The following USP34 variants were observed in gnomAD, a reference collection of about 807,000 sequenced individuals.
USP34 encodes the protein ubiquitin specific peptidase 34, also known as ubiquitin carboxyl-terminal hydrolase 34.
A neutral mutation model predicts 460.3 loss-of-function variants in USP34; 70 were observed. The ratio of observed to expected loss-of-function variants is 0.15; its 90% confidence interval spans 0.13 to 0.19. USP34 has a LOEUF of 0.19. USP34 is among the 10% of genes least tolerant of loss of function. The pLI is 1.00. For synonymous variants in USP34, 1,647 were observed against 1,405.3 expected (o/e 1.17, Z -3.85); for missense variants, 3,985 against 4,236.2 (o/e 0.94, Z 1.65).
chr2:61,243,705 C>T (rs1572865720), intron 51 of USP34, among the ~76,000 whole-genome samples: 2 of 151,680 alleles, frequency 1.3e-5, no homozygotes, highest in East Asian at 3.9e-4. Flanking sequence ...ACCCCGTCTC[C>T]ACTTAAAACA....
intron 10 of USP34, among the ~76,000 whole-genome samples, chr2:61,364,339 C>T (rs556157727): frequency 4.2e-4 from 64 of 152,234 alleles, no homozygotes; most frequent in Non-Finnish European, 6.5e-4. Context: ...GCATCCAGCC[C>T]AAGTGATACA....
At chr2:61,215,315 C>G (rs1687365906) in intron 67 of USP34, among the ~76,000 whole-genome samples, 1 of 151,536 alleles carries the variant, frequency 6.6e-6, no homozygotes, top group African/African-American at 2.4e-5. Flanking sequence ...TAAATTGTAA[C>G]CAGATAATAT....
chr2:61,377,348 T>C (rs1449796529), intron 8 of USP34, among the ~76,000 whole-genome samples: 1 of 152,122 alleles, frequency 6.6e-6, no homozygotes, highest in Non-Finnish European at 1.5e-5. Flanking sequence ...CAGAAAATAT[T>C]CTATCCTACT....
intron 75 of USP34, chr2:61,194,267 C>G: frequency 1.0e-6 from 1 of 985,422 alleles, no homozygotes; most frequent in Non-Finnish European, 1.2e-6. Flanking sequence ...TCCCCTTTAT[C>G]CTAACCTAAT....
intron 1 of USP34, among the ~76,000 whole-genome samples, chr2:61,421,909 G>C (rs549733125): frequency 1.1e-3 from 170 of 152,274 alleles, no homozygotes; most frequent in African/African-American, 3.9e-3. Context: ...TAGGAGGTTG[G>C]AAGATTCCTC....
In USP34 at chr2:61,213,977, C is replaced by T. The variant is rs1558469634; in HGVS notation, c.8682+83G>A. ...AAGAATGGTGAGACTATTCTATATT[C>T]TGCCACCACTTCCCACCAGGGGAAA... On this transcript the variant is annotated intron_variant, in intron 68 of 79. Coordinates refer to ENST00000398571, the MANE Select transcript of USP34 (RefSeq NM_014709.4). The T allele has an allele frequency of 8.6e-6, 13 of 1,514,940 alleles. No homozygotes were observed. The South Asian group carries it at 8.8e-5, about 10-fold the overall frequency. 93.8% of individuals were successfully genotyped at this position (1,514,940 alleles called of 1,614,324 possible). A position where few individuals can be genotyped will look rare whatever the true frequency, so the allele number is the denominator to read the frequency against.
chr2:61,369,538 G>T (rs1292337912), intron 10 of USP34, among the ~76,000 whole-genome samples: 1 of 151,406 alleles, frequency 6.6e-6, no homozygotes, highest in Non-Finnish European at 1.5e-5. Flanking sequence ...AGCTATTCAG[G>T]AGCGTGAGGC....
At position 61,246,380 on chromosome 2, in the gene USP34, G is replaced by A. The variant is rs1310562200; in HGVS notation, c.6492C>T (p.His2164=). ...TVHTGTADGG[H]YYSFIRDIVN... Reference sequence around the variant, plus strand: ...CTATATCTCTGATAAAGCTATAATAGTGTCCACCATCTGCCGTTCCTGTGT... The same window carrying A: ...CTATATCTCTGATAAAGCTATAATAATGTCCACCATCTGCCGTTCCTGTGT... Residue 2164 remains histidine (H), a synonymous_variant, in exon 50 of 80, where the codon CAC becomes CAT. Transcript: ENST00000398571. The A allele has an allele frequency of 1.2e-6, 2 of 1,610,312 alleles. No individual in the cohort carries two copies. The highest frequency in any genetic ancestry group is 1.7e-5 in the Admixed American group (1 of 59,660).
At chr2:61,337,758 G>A (rs1050183649) in intron 18 of USP34, among the ~76,000 whole-genome samples, 4 of 152,078 alleles carry the variant, frequency 2.6e-5, no homozygotes, top group African/African-American at 9.7e-5. Context: ...GCCCGGCCTA[G>A]TTATTTTCAA....
At chr2:61,302,425 C>T (rs946919375) in intron 27 of USP34, among the ~76,000 whole-genome samples, 13 of 152,162 alleles carry the variant, frequency 8.5e-5, no homozygotes, top group Non-Finnish European at 1.8e-4. Flanking sequence ...GGCAATTTGC[C>T]TTAAGCACAA....
intron 21 of USP34, among the ~76,000 whole-genome samples, chr2:61,319,781 G>T (rs1690858962): frequency 6.6e-6 from 1 of 152,068 alleles, no homozygotes; most frequent in Admixed American, 6.6e-5. Flanking sequence ...GGAGGTGAAG[G>T]TTGCAGTGAT....
At chr2:61,400,399 G>A (rs1295283995) in intron 3 of USP34, among the ~76,000 whole-genome samples, 3 of 152,156 alleles carry the variant, frequency 2.0e-5, no homozygotes, top group South Asian at 2.1e-4. Context: ...GTGAGCCACC[G>A]CGCCCGGCCA....
At chr2:61,218,440 C>T (rs907882062) in intron 67 of USP34, among the ~76,000 whole-genome samples, 1 of 151,886 alleles carries the variant, frequency 6.6e-6, no homozygotes. Flanking sequence ...AATTTCAATA[C>T]ACCTCCCTCA....
At chr2:61,235,329 T>C (rs1325259890) in intron 57 of USP34, among the ~76,000 whole-genome samples, 1 of 34 alleles carries the variant, frequency 0.029, no homozygotes, top group African/African-American at 0.17. Context: ...TTTTTTTTTC[T>C]TTTTTTTTTT....
At chr2:61,352,791 G>C (rs766329993) in intron 10 of USP34, among the ~76,000 whole-genome samples, 6 of 151,922 alleles carry the variant, frequency 3.9e-5, no homozygotes, top group South Asian at 2.1e-4. Context: ...AGGAGGAAGA[G>C]GACAAAGAGG....
chr2:61,400,606 T>C (rs1178715318), intron 3 of USP34, among the ~76,000 whole-genome samples: 1 of 152,062 alleles, frequency 6.6e-6, no homozygotes, highest in South Asian at 2.1e-4. Flanking sequence ...TCCCAGTACT[T>C]TGGGAGGCTG....
At chr2:61,248,788 G>A in intron 48 of USP34, 105 bp from the exon 49 acceptor site, 1 of 1,109,742 alleles carries the variant, frequency 9.0e-7, no homozygotes, top group Non-Finnish European at 1.2e-6. Context: ...TCAGAGTTAA[G>A]AAGTATAGTA....
At chr2:61,393,482 A>G (rs533312679) in intron 5 of USP34, among the ~76,000 whole-genome samples, 228 of 151,784 alleles carry the variant, frequency 1.5e-3, no homozygotes, top group Non-Finnish European at 3.5e-4. Flanking sequence ...CACTACTACT[A>G]TATGTAATAA....
At chr2:61,323,383 G>A (rs1463124973) in intron 21 of USP34, among the ~76,000 whole-genome samples, 1 of 151,990 alleles carries the variant, frequency 6.6e-6, no homozygotes, top group South Asian at 2.1e-4. Flanking sequence ...GTGTGGTGGT[G>A]GGCGCCTATA....
Sources: allele counts gnomAD v4.1 joint callset (sites outside exome capture counted in the v4.1 genomes callset), GRCh38; gene constraint gnomAD v4.1.1; transcripts MANE v1.5; gene names NCBI Gene and HGNC (gene_info 2026-07-23, HGNC 2026-07-21).